Variants in PRPF31 observed in about 807,000 individuals in gnomAD.
PRPF31 encodes U4/U6 small nuclear ribonucleoprotein Prp31.
Under a neutral mutation model 60.4 loss-of-function variants are expected in PRPF31, and 12 were observed. The ratio of observed to expected loss-of-function variants is 0.20; its 90% confidence interval spans 0.13 to 0.32. PRPF31 has a LOEUF of 0.32. Ranked by LOEUF, PRPF31 falls within the 10% of genes least tolerant of loss-of-function variation. The pLI, the probability that PRPF31 is intolerant of heterozygous loss-of-function variation, is 1.00. For synonymous variants in PRPF31, 287 were observed against 287.9 expected (o/e 1.00, Z 0.03); for missense variants, 431 against 687.1 (o/e 0.63, Z 4.17).
At chr19:54,129,222 G>T (rs1301380841) in intron 12 of PRPF31, 37 bp downstream of exon 12, 2 of 1,600,208 alleles carry the variant, frequency 1.2e-6, no homozygotes, top group East Asian at 2.3e-5. Context: ...GGGACCGAGG[G>T]ACACAAGGTG....
In PRPF31 at chr19:54,123,884, C is replaced by A; in HGVS notation, c.663C>A (p.Ile221=). Residue 221 remains isoleucine, a synonymous_variant, in exon 7 of 14, where the codon ATC becomes ATA. Transcript: ENST00000321030. Reference sequence around the variant, plus strand: ...CCTTCATCGCACCCAACCTGTCCATCATTATCGGGGCATCCACGGCCGCCA... The same window carrying A: ...CCTTCATCGCACCCAACCTGTCCATAATTATCGGGGCATCCACGGCCGCCA... ...RMSFIAPNLS[I]IIGASTAAKI... is the part of the protein sequence containing the mutation. The A allele has an allele frequency of 6.2e-7, 1 of 1,614,040 alleles. No homozygotes were observed. The highest frequency in any genetic ancestry group is 8.5e-7 in the Non-Finnish European group (1 of 1,180,016).
chr19:54,122,478 C>T lies in PRPF31; in HGVS notation c.323-19C>T. The T allele has an allele frequency of 6.3e-7, 1 of 1,589,828 alleles. No individual in the cohort carries two copies. On this transcript the variant is annotated intron_variant, in intron 4 of 13. Transcript: ENST00000321030. ...TACCTTCCATCTCACCCGACAACCTCCTGTCCCGTTTACCCTAGACATCAT... is the reference window on the plus strand; with the variant it reads ...TACCTTCCATCTCACCCGACAACCTTCTGTCCCGTTTACCCTAGACATCAT...
At chr19:54,126,811 G>T (rs34162968) in intron 9 of PRPF31, among the ~76,000 whole-genome samples, 194 bp downstream of exon 9, 1 of 152,186 alleles carries the variant, frequency 6.6e-6, no homozygotes. Context: ...GCTGTTGGAA[G>T]GTAGCATGAA....
Position 54,129,430 on chromosome 19 carries a change from T to A in PRPF31, c.1374+60T>A. ...GAGACCTTGGCAAGGCCCCTTGCCC[T>A]CTGCCCCTGTGAAGAAGGCCAGGAT... On this transcript the variant is annotated intron_variant, in intron 13 of 13. Coordinates refer to ENST00000321030, the MANE Select transcript of PRPF31 (RefSeq NM_015629.4). 6 of 1,520,042 alleles carry A rather than the reference T, an allele frequency of 3.9e-6. No homozygotes were observed. The South Asian group carries it at 7.2e-5, about 18-fold the overall frequency. The allele number at this position is 1,520,042 out of a possible 1,614,324, so 94.2% of individuals were successfully genotyped here.
At position 54,131,379 on chromosome 19, in the gene PRPF31, A is replaced by G. The variant is rs2074043696; in HGVS notation, c.1447A>G (p.Met483Val). 1.2e-6 allele frequency: 2 copies of G among 1,613,980 alleles called. No individual in the cohort carries two copies. The highest frequency in any genetic ancestry group is 1.7e-6 in the Non-Finnish European group (2 of 1,180,024). ...AEANQKYFSS[M>V]AEFLKVKGEK... Reference sequence around the variant, plus strand: ...GGCCAACCAGAAGTATTTCTCCAGCATGGCTGAGTTCCTCAAGGTCAAGGG... The same window carrying G: ...GGCCAACCAGAAGTATTTCTCCAGCGTGGCTGAGTTCCTCAAGGTCAAGGG... The change falls in exon 14 of 14, where the codon ATG (methionine) becomes GTG (valine). Residue 483 changes from methionine to valine, a missense_variant. Physicochemically the swap from Met to Val is conservative, Grantham distance 21. Transcript: ENST00000321030.
intron 11 of PRPF31, 74 bp downstream of exon 11, chr19:54,128,451 CCCT>C: frequency 4.2e-6 from 6 of 1,421,986 alleles, no homozygotes; most frequent in South Asian, 1.2e-5. Context: ...CTGCCACCGC[CCCT>C]CCTCTCGTCC....
At chr19:54,118,162 T>A (rs1172352908) in intron 1 of PRPF31, 109 bp from the exon 2 acceptor site, 1 of 1,466,174 alleles carries the variant, frequency 6.8e-7, no homozygotes, top group Admixed American at 1.7e-5. Flanking sequence ...TGCATGCTAG[T>A]GGGGTTGATA....
At chr19:54,123,381 G>C in intron 5 of PRPF31, 73 bp from the exon 6 acceptor site, 1 of 1,111,570 alleles carries the variant, frequency 9.0e-7, no homozygotes, top group African/African-American at 1.5e-5. Flanking sequence ...GACCTGAGGA[G>C]GTGCTGAGCA....
chr19:54,121,017 C>T (rs1294676882), intron 3 of PRPF31, among the ~76,000 whole-genome samples: 1 of 152,108 alleles, frequency 6.6e-6, no homozygotes, highest in Non-Finnish European at 1.5e-5. Context: ...AGGGGTCTGG[C>T]GCGGTGGCTC....
chr19:54,122,040 C>T, intron 4 of PRPF31, 97 bp downstream of exon 4: 1 of 1,306,650 alleles, frequency 7.7e-7, no homozygotes, highest in Non-Finnish European at 1.1e-6. Context: ...TGCCCCTAAG[C>T]CCAAGCTCAG....
intron 3 of PRPF31, 100 bp downstream of exon 3, chr19:54,118,733 C>A (rs1388847452): frequency 1.2e-5 from 14 of 1,190,002 alleles, no homozygotes; most frequent in Non-Finnish European, 1.7e-5. Flanking sequence ...CCTTCTCAGC[C>A]TTTTCCAGAG....
At chr19:54,120,334 G>C (rs2073756334) in intron 3 of PRPF31, 1 of 152,228 alleles carries the variant, frequency 6.6e-6, no homozygotes, top group Admixed American at 6.5e-5. Context: ...GGTTGAGGAG[G>C]CAGAGGTGAA....
At chr19:54,116,957 G>A (rs1044635690) in intron 1 of PRPF31, among the ~76,000 whole-genome samples, 1 of 152,096 alleles carries the variant, frequency 6.6e-6, no homozygotes, top group Non-Finnish European at 1.5e-5. Flanking sequence ...TTAGCCGGGC[G>A]TGCTGGTGCG....
At chr19:54,118,169 G>A (rs962928322) in intron 1 of PRPF31, 102 bp from the exon 2 acceptor site, 8 of 1,541,762 alleles carry the variant, frequency 5.2e-6, no homozygotes, top group Middle Eastern at 2.3e-4. Context: ...TAGTGGGGTT[G>A]ATAAAGAAGG....
At chr19:54,126,415 G>GC in intron 8 of PRPF31, 113 bp from the exon 9 acceptor site, 2 of 962,458 alleles carry the variant, frequency 2.1e-6, no homozygotes, top group Non-Finnish European at 3.3e-6. Flanking sequence ...AGGGTGGAAA[G>GC]CCCCCTTCCA....
chr19:54,119,052 C>T (rs757459312), intron 3 of PRPF31, among the ~76,000 whole-genome samples: 7 of 152,086 alleles, frequency 4.6e-5, no homozygotes, highest in Non-Finnish European at 8.8e-5. Context: ...TTGGCAAAGA[C>T]AAAGTCACTG....
intron 2 of PRPF31, 56 bp downstream of exon 2, chr19:54,118,511 G>A (rs1213204337): frequency 3.1e-6 from 5 of 1,613,412 alleles, no homozygotes; most frequent in Non-Finnish European, 4.2e-6. Flanking sequence ...CTCCCAGAAG[G>A]GGGTGATACA....
chr19:54,131,285 C>G, intron 13 of PRPF31, 22 bp from the exon 14 acceptor site: 1 of 1,613,626 alleles, frequency 6.2e-7, no homozygotes, highest in Admixed American at 1.7e-5. Context: ...AACCCATCAT[C>G]CTCTCTCCCT....
At position 54,115,789 on chromosome 19, in the gene PRPF31, A is replaced by G. The variant is rs2073613351; in HGVS notation, c.-17A>G. On this transcript the variant is annotated 5_prime_UTR_variant, in exon 1 of 14. Transcript: ENST00000321030. The stretch of plus-strand genomic sequence containing the variant: ...TAACGCTAGAAACAGTGGTGCGCGG[A>G]GAGGAGAGGTGAGTGTGATGGGGAC... The G allele has an allele frequency of 1.2e-5, 3 of 242,142 alleles. No homozygotes were observed. In the South Asian group the frequency reaches 3.0e-4, roughly 24 times the overall value. 15.0% of individuals were successfully genotyped at this position (242,142 alleles called of 1,614,324 possible). A position where few individuals can be genotyped will look rare whatever the true frequency, so the allele number is the denominator to read the frequency against.
Sources: allele counts gnomAD v4.1 joint callset (sites outside exome capture counted in the v4.1 genomes callset), GRCh38; gene constraint gnomAD v4.1.1; transcripts MANE v1.5; gene names NCBI Gene and HGNC (gene_info 2026-07-23, HGNC 2026-07-21).